Variants in TTI1 observed in about 807,000 individuals in gnomAD.
TTI1 encodes TELO2 interacting protein 1.
Under a neutral mutation model 85.4 loss-of-function variants are expected in TTI1, and 52 were observed. That is an observed-to-expected ratio of 0.61 (90% CI 0.49 to 0.77). The LOEUF (loss-of-function observed/expected upper bound fraction) is 0.77. Among genes scored for constraint, TTI1 ranks in the 30% least tolerant of loss-of-function variants. TTI1 has a pLI of 0.00. For synonymous variants in TTI1, 512 were observed against 503.9 expected (o/e 1.02, Z -0.22); for missense variants, 1,173 against 1,296.0 (o/e 0.91, Z 1.46).
At position 38,011,599 on chromosome 20, in the gene TTI1, C is replaced by T. The variant is rs2073589840; in HGVS notation, c.2218G>A (p.Asp740Asn). 1 of 1,614,230 alleles carries T rather than the reference C, an allele frequency of 6.2e-7. No homozygotes were observed. The highest frequency in any genetic ancestry group is 1.3e-5 in the African/African-American group (1 of 75,066). The change falls in exon 2 of 8, where the codon GAT (aspartate) becomes AAT (asparagine). Residue 740 changes from aspartate (D) to asparagine (N), a missense_variant. Asp to Asn is a conservative substitution (Grantham distance 23). Coordinates refer to ENST00000373447, the MANE Select transcript of TTI1 (RefSeq NM_001303457.2). ...AATTGGTCCAGGGTGGCCAAGACAT[C>T]TTGAACCACATCTGCCACCAAAGGA... ...LLPLVADVVQ[D>N]VLATLDQFYD...
chr20:37,986,733 T>G (rs1201936818), intron 7 of TTI1, among the ~76,000 whole-genome samples: 3 of 152,242 alleles, frequency 2.0e-5, no homozygotes, highest in African/African-American at 7.2e-5. Flanking sequence ...GAAAACAGTA[T>G]TCCTTCTTTT....
intron 1 of TTI1, among the ~76,000 whole-genome samples, chr20:38,016,430 C>A (rs1438709556): frequency 6.6e-6 from 1 of 152,178 alleles, no homozygotes; most frequent in Non-Finnish European, 1.5e-5. Flanking sequence ...TGGGGTCCGC[C>A]CCCTGACAGG....
At chr20:37,994,058 G>T (rs1336453568) in intron 7 of TTI1, among the ~76,000 whole-genome samples, 1 of 152,160 alleles carries the variant, frequency 6.6e-6, no homozygotes, top group Non-Finnish European at 1.5e-5. Flanking sequence ...GGAAAGAGAA[G>T]AATTAAGAAC....
chr20:38,019,668 A>G (rs2073735010), intron 1 of TTI1, among the ~76,000 whole-genome samples: 1 of 152,270 alleles, frequency 6.6e-6, no homozygotes, highest in Non-Finnish European at 1.5e-5. Flanking sequence ...ATTGAAAACA[A>G]AAAGTAAGAT....
rs140064800 is a variant in TTI1 at position 38,026,246 on chromosome 20, G to A, written c.-42+7158C>T. 8.6e-3 allele frequency among the ~76,000 whole-genome samples: 1,314 copies of A among 152,000 alleles called. 9 individuals carry two copies. The highest frequency in any genetic ancestry group is 0.021 in the African/African-American group (850 of 41,448). ...GCCAAATCCATTCATAGCAACCTCC[G>A]CCTGCCAGGTTCAAATGATTCTCCT... On this transcript the variant is annotated intron_variant, in intron 1 of 7. Coordinates refer to ENST00000373447, the MANE Select transcript of TTI1 (RefSeq NM_001303457.2).
intron 5 of TTI1, among the ~76,000 whole-genome samples, chr20:37,998,019 G>GCC (rs1432698020): frequency 6.6e-6 from 1 of 152,052 alleles, no homozygotes; most frequent in Non-Finnish European, 1.5e-5. Flanking sequence ...AACCTCTGAA[G>GCC]CCCGAGTTCA....
At chr20:38,014,032 T>G (rs1044127836) in intron 1 of TTI1, 175 bp from the exon 2 acceptor site, 8 of 599,548 alleles carry the variant, frequency 1.3e-5, no homozygotes, top group African/African-American at 1.3e-4. Flanking sequence ...ACATGTACAG[T>G]TACAATAAAG....
intron 1 of TTI1, among the ~76,000 whole-genome samples, chr20:38,029,603 A>G (rs2073880290): frequency 6.6e-6 from 1 of 151,990 alleles, no homozygotes; most frequent in African/African-American, 2.4e-5. Flanking sequence ...GAGAGAAGAG[A>G]CGAGACACTG....
rs1032221680 is a variant in TTI1 at position 38,026,005 on chromosome 20, C to T, written c.-42+7399G>A. Among the ~76,000 whole-genome samples, 4 of 152,184 alleles carry T rather than the reference C, an allele frequency of 2.6e-5. No homozygotes were observed. The East Asian group carries it at 7.7e-4, about 29-fold the overall frequency. ...TCAAAAGAAATAATGGCTGAAAACG[C>T]CACAAAGTTGGCAAAGACATAAATC... On this transcript the variant is annotated intron_variant, in intron 1 of 7. Coordinates refer to ENST00000373447, the MANE Select transcript of TTI1 (RefSeq NM_001303457.2).
intron 1 of TTI1, among the ~76,000 whole-genome samples, chr20:38,026,897 G>A (rs1244230511): frequency 6.6e-6 from 1 of 152,110 alleles, no homozygotes; most frequent in Non-Finnish European, 1.5e-5. Context: ...ATGATAAATG[G>A]GCAGAGTAAA....
In TTI1 at chr20:37,983,281, C is replaced by G; in HGVS notation, c.*175G>C. 4.2e-5 allele frequency: 26 copies of G among 623,102 alleles called. No homozygotes were observed. Among genetic ancestry groups the G allele is most frequent in the Non-Finnish European group, 6.5e-5 (24 of 369,984 alleles). The allele number at this position is 623,102 out of a possible 1,614,324, so 38.6% of individuals were successfully genotyped here. ...ATGAAACATAAATAATAGTCAGCTA[C>G]TTTCCTTCAATCCATTTCTAAGCAG... On this transcript the variant is annotated 3_prime_UTR_variant, in exon 8 of 8. Coordinates refer to ENST00000373447, the MANE Select transcript of TTI1 (RefSeq NM_001303457.2).
chr20:38,028,003 A>T (rs1002548790), intron 1 of TTI1, among the ~76,000 whole-genome samples: 4 of 152,198 alleles, frequency 2.6e-5, no homozygotes, highest in African/African-American at 9.7e-5. Flanking sequence ...GTCTGTCTTC[A>T]TCTTTGTCTT....
chr20:38,020,970 T>C (rs1174074768), intron 1 of TTI1, among the ~76,000 whole-genome samples: 1 of 152,236 alleles, frequency 6.6e-6, no homozygotes, highest in Admixed American at 6.5e-5. Context: ...AATATATATA[T>C]GCTCTATGAT....
chr20:37,995,216 A>G (rs892889547), intron 7 of TTI1, among the ~76,000 whole-genome samples: 1 of 152,210 alleles, frequency 6.6e-6, no homozygotes, highest in African/African-American at 2.4e-5. Context: ...TTCTGGGACT[A>G]AGGGATGTGA....
At chr20:38,003,714 T>C (rs926203507) in intron 3 of TTI1, among the ~76,000 whole-genome samples, 2 of 149,732 alleles carry the variant, frequency 1.3e-5, no homozygotes, top group Non-Finnish European at 3.0e-5. Context: ...ATCGTGCCAT[T>C]GCACTCCAGC....
At chr20:38,005,907 G>A (rs745351085) in intron 3 of TTI1, 124 of 381,462 alleles carry the variant, frequency 3.3e-4, no homozygotes, top group Non-Finnish European at 5.5e-4. Flanking sequence ...TACAGGGGAT[G>A]GACACTTAGT....
intron 1 of TTI1, among the ~76,000 whole-genome samples, chr20:38,027,394 T>G (rs1650740739): frequency 6.6e-6 from 1 of 152,158 alleles, no homozygotes. Flanking sequence ...TTACTTTTTA[T>G]TTTTTTCAAA....
chr20:38,011,526 A>T lies in TTI1; in HGVS notation c.2291T>A (p.Met764Lys). 1 of 1,614,098 alleles carries T rather than the reference A, an allele frequency of 6.2e-7. No individual in the cohort carries two copies. The highest frequency in any genetic ancestry group is 8.5e-7 in the Non-Finnish European group (1 of 1,179,972). ...ASFVSVLHALMAALAQWFPDT... is the reference protein window; with the variant it reads ...ASFVSVLHALKAALAQWFPDT... ...GGCTCTCAATGTACCTAATGCTGCCATCAGAGCATGCAGAACGCTGACAAA... is the reference window on the plus strand; with the variant it reads ...GGCTCTCAATGTACCTAATGCTGCCTTCAGAGCATGCAGAACGCTGACAAA... Residue 764 changes from methionine to lysine, a missense_variant, in exon 2 of 8, where the codon ATG (methionine) becomes AAG (lysine). Physicochemically the swap from Met to Lys is moderately conservative, Grantham distance 95. Coordinates refer to ENST00000373447, the MANE Select transcript of TTI1 (RefSeq NM_001303457.2).
rs2073599577 is a variant in TTI1 at position 38,011,974 on chromosome 20, G to A, written c.1843C>T (p.Pro615Ser). 3 of 1,614,218 alleles carry A rather than the reference G, an allele frequency of 1.9e-6. No homozygotes were observed. In the East Asian group the frequency reaches 6.7e-5, roughly 36 times the overall value. ...TSFLAFSKPS[P>S]TICSMNSNIW... The stretch of plus-strand genomic sequence containing the variant: ...TTACTGTTCATGGAGCAAATAGTGG[G>A]ACTTGGCTTTGAGAAGGCTAGAAAA... Residue 615 changes from proline to serine, a missense_variant, in exon 2 of 8, where the codon CCC becomes TCC. Pro to Ser is a moderately conservative substitution (Grantham distance 74). Coordinates refer to ENST00000373447, the MANE Select transcript of TTI1 (RefSeq NM_001303457.2).
Sources: allele counts gnomAD v4.1 joint callset (sites outside exome capture counted in the v4.1 genomes callset), GRCh38; gene constraint gnomAD v4.1.1; transcripts MANE v1.5; gene names NCBI Gene and HGNC (gene_info 2026-07-23, HGNC 2026-07-21).